Variants in DNAH11 observed in about 807,000 individuals in gnomAD.
DNAH11 encodes the protein dynein axonemal heavy chain 11.
In DNAH11, 442 loss-of-function variants were observed where a neutral mutation model predicts 526.0. That is an observed-to-expected ratio of 0.84 (90% confidence interval 0.78 to 0.91). DNAH11 has a LOEUF of 0.91. Ranked by LOEUF, DNAH11 falls within the 40% of genes least tolerant of loss-of-function variation. DNAH11 has a pLI of 0.00. For missense variants in DNAH11, 6,989 were observed against 5,448.7 expected (o/e 1.28, Z -8.90); for synonymous variants, 2,461 against 1,935.9 (o/e 1.27, Z -7.12).
intron 8 of DNAH11, among the ~76,000 whole-genome samples, chr7:21,581,443 T>G (rs570129648): frequency 6.6e-6 from 1 of 152,318 alleles, no homozygotes; most frequent in South Asian, 2.1e-4. Context: ...AAATAGTGTT[T>G]CCGTGTAGAT....
At chr7:21,601,235 T>TGAGATG in intron 17 of DNAH11, 56 bp downstream of exon 17, 1 of 1,536,598 alleles carries the variant, frequency 6.5e-7, no homozygotes, top group Non-Finnish European at 8.8e-7. Context: ...TTTCTAAAAC[T>TGAGATG]GAGATGTTAC....
intron 20 of DNAH11, among the ~76,000 whole-genome samples, chr7:21,608,298 T>C (rs1785384026): frequency 6.6e-6 from 1 of 152,190 alleles, no homozygotes; most frequent in Non-Finnish European, 1.5e-5. Flanking sequence ...TTTTAAACTT[T>C]TATTAGAAAA....
chr7:21,748,493 G>A (rs1355122148), intron 51 of DNAH11, 87 bp from the exon 52 acceptor site: 5 of 1,280,878 alleles, frequency 3.9e-6, no homozygotes, highest in Non-Finnish European at 5.0e-6. Context: ...CATCTCAAAA[G>A]CAAATAAATA....
chr7:21,759,177 A>C (rs149012147), intron 54 of DNAH11, among the ~76,000 whole-genome samples: 3 of 152,148 alleles, frequency 2.0e-5, no homozygotes, highest in African/African-American at 7.2e-5. Context: ...GCTCTTTGCT[A>C]TCTATTGGGA....
chr7:21,628,309 C>T (rs1786446257), intron 25 of DNAH11, among the ~76,000 whole-genome samples: 3 of 151,986 alleles, frequency 2.0e-5, no homozygotes, highest in South Asian at 2.1e-4. Context: ...TTGCTCTGAC[C>T]AGGACTTCTA....
At chr7:21,791,102 G>A (rs10260699) in intron 61 of DNAH11, among the ~76,000 whole-genome samples, 20,115 of 152,128 alleles carry the variant, frequency 0.13, 2,011 homozygotes, top group East Asian at 0.29. Flanking sequence ...ACAGAGAGAC[G>A]GGAGGAATAC....
chr7:21,819,731 G>C (rs1249414133), intron 65 of DNAH11, among the ~76,000 whole-genome samples: 1 of 152,166 alleles, frequency 6.6e-6, no homozygotes, highest in Non-Finnish European at 1.5e-5. Flanking sequence ...ATAAATTTGA[G>C]TCATGATTCT....
chr7:21,855,071 G>A (rs1228180702), intron 68 of DNAH11, among the ~76,000 whole-genome samples: 11 of 127,292 alleles, frequency 8.6e-5, no homozygotes, highest in African/African-American at 1.9e-4. Context: ...TCCCTCTGTC[G>A]CCCACGCTGG....
intron 28 of DNAH11, among the ~76,000 whole-genome samples, chr7:21,652,761 C>T (rs1359469954): frequency 6.6e-6 from 1 of 151,842 alleles, no homozygotes; most frequent in Non-Finnish European, 1.5e-5. Flanking sequence ...TTTTAGAAAC[C>T]TACTCAAAAT....
chr7:21,731,904 T>C (rs766226751), intron 45 of DNAH11, among the ~76,000 whole-genome samples: 14 of 152,204 alleles, frequency 9.2e-5, no homozygotes, highest in Non-Finnish European at 1.9e-4. Flanking sequence ...GCAAGAGTAG[T>C]GCTGCTGACA....
At chr7:21,807,345 A>T (rs746805350) in intron 62 of DNAH11, among the ~76,000 whole-genome samples, 37 of 152,174 alleles carry the variant, frequency 2.4e-4, no homozygotes, top group Non-Finnish European at 5.0e-4. Context: ...CAAAAAATAC[A>T]AAAATTTGCC....
chr7:21,701,390 A>G (rs1385854515), intron 36 of DNAH11, among the ~76,000 whole-genome samples: 1 of 151,884 alleles, frequency 6.6e-6, no homozygotes, highest in Non-Finnish European at 1.5e-5. Flanking sequence ...TCCTGGCTCA[A>G]GCGATCTTTC....
intron 55 of DNAH11, among the ~76,000 whole-genome samples, chr7:21,768,229 A>G (rs1284226617): frequency 1.2e-4 from 19 of 152,200 alleles, no homozygotes; most frequent in Admixed American, 1.2e-3. Context: ...AGGAAAAGCC[A>G]TCTGGGTAAA....
intron 25 of DNAH11, among the ~76,000 whole-genome samples, chr7:21,625,858 A>G (rs914006036): frequency 6.6e-6 from 1 of 152,124 alleles, no homozygotes; most frequent in Non-Finnish European, 1.5e-5. Context: ...GATTGGAAAA[A>G]TACTTGATGT....
intron 55 of DNAH11, among the ~76,000 whole-genome samples, chr7:21,768,568 C>T (rs780735306): frequency 3.3e-5 from 5 of 152,110 alleles, no homozygotes; most frequent in Non-Finnish European, 7.4e-5. Flanking sequence ...GAGTTAAAAT[C>T]CTCTGTCCTT....
At position 21,751,710 on chromosome 7, in the gene DNAH11, G is replaced by C. The variant is rs917291370; in HGVS notation, c.8940+1346G>C. ...GGAGGTTAAGGAGCAGAGTCATTAAGTTTCTCCAACATTCTGCTATTTCAA... is the reference window on the plus strand; with the variant it reads ...GGAGGTTAAGGAGCAGAGTCATTAACTTTCTCCAACATTCTGCTATTTCAA... On this transcript the variant is annotated intron_variant, in intron 54 of 81. Transcript: ENST00000409508. Among the ~76,000 whole-genome samples the C allele has an allele frequency of 2.0e-5, 3 of 152,174 alleles. No individual in the cohort carries two copies. The East Asian group carries it at 5.8e-4, about 29-fold the overall frequency.
At chr7:21,711,079 C>T (rs1293815904) in intron 41 of DNAH11, among the ~76,000 whole-genome samples, 1 of 152,152 alleles carries the variant, frequency 6.6e-6, no homozygotes, top group East Asian at 1.9e-4. Context: ...TTGAAATTAA[C>T]TAGTTCCTTT....
chr7:21,605,839 T>G (rs191286244), intron 18 of DNAH11, among the ~76,000 whole-genome samples: 2 of 152,340 alleles, frequency 1.3e-5, no homozygotes, highest in Admixed American at 1.3e-4. Flanking sequence ...GATTTGTGTT[T>G]ATTTTAAAAA....
At chr7:21,559,874 C>T (rs1783386488) in intron 4 of DNAH11, 82 bp downstream of exon 4, 3 of 1,188,224 alleles carry the variant, frequency 2.5e-6, no homozygotes, top group Admixed American at 2.4e-5. Context: ...AAAGATTTAA[C>T]ACACTGTCTT....
Sources: allele counts gnomAD v4.1 joint callset (sites outside exome capture counted in the v4.1 genomes callset), GRCh38; gene constraint gnomAD v4.1.1; transcripts MANE v1.5; gene names NCBI Gene and HGNC (gene_info 2026-07-23, HGNC 2026-07-21).